The following TREX2 variants were observed in gnomAD, a reference collection of about 807,000 sequenced individuals.
TREX2 encodes the protein 3'-5' exonuclease TREX2 long form.
For synonymous variants in TREX2, 121 were observed against 112.1 expected (o/e 1.08, Z -0.50); for missense variants, 242 against 235.3 (o/e 1.03, Z -0.19).
chrX:153,445,625 A>C, intron 1 of TREX2, 130 bp from the exon 2 acceptor site: 1 of 521,538 alleles, frequency 1.9e-6, no homozygotes, highest in East Asian at 3.6e-5. Context: ...TGGGAGCGTC[A>C]GCCCCACTCC....
intron 1 of TREX2, 100 bp from the exon 2 acceptor site, chrX:153,445,595 G>T: frequency 1.8e-6 from 1 of 551,597 alleles, no homozygotes; most frequent in Non-Finnish European, 3.1e-6. Flanking sequence ...CCCGACCACA[G>T]CACCTGTGAC....
chrX:153,445,744 C>A, intron 1 of TREX2: 1 of 459,366 alleles, frequency 2.2e-6, no homozygotes. Context: ...GGGACCGCAC[C>A]TTGGCGGGGT....
chrX:153,444,620 C>T lies in TREX2; in HGVS notation c.*100G>A, dbSNP rs1556979130. The T allele has an allele frequency of 1.4e-5, 13 of 951,803 alleles. No individual in the cohort carries two copies. Among genetic ancestry groups the T allele is most frequent in the Admixed American group, 5.3e-5 (2 of 37,427 alleles). The allele number at this position is 951,803 out of a possible 1,213,427, so 78.4% of individuals were successfully genotyped here. On this transcript the variant is annotated 3_prime_UTR_variant, in exon 2 of 2. Coordinates refer to ENST00000370231, the MANE Select transcript of TREX2 (RefSeq NM_080701.4). Reference sequence around the variant, plus strand: ...AGCCAGGGAAGGCCTGGCAGGTGCACGGACCTGAGGCTGCCCAGATAGGAG... The same window carrying T: ...AGCCAGGGAAGGCCTGGCAGGTGCATGGACCTGAGGCTGCCCAGATAGGAG...
At position 153,444,616 on chromosome X, in the gene TREX2, T is replaced by G; in HGVS notation, c.*104A>C. On this transcript the variant is annotated 3_prime_UTR_variant, in exon 2 of 2. Coordinates refer to ENST00000370231, the MANE Select transcript of TREX2 (RefSeq NM_080701.4). ...AGGCAGCCAGGGAAGGCCTGGCAGGTGCACGGACCTGAGGCTGCCCAGATA... is the reference window on the plus strand; with the variant it reads ...AGGCAGCCAGGGAAGGCCTGGCAGGGGCACGGACCTGAGGCTGCCCAGATA... The G allele has an allele frequency of 1.1e-6, 1 of 902,703 alleles. No individual in the cohort carries two copies. The allele number at this position is 902,703 out of a possible 1,213,427, so 74.4% of individuals were successfully genotyped here.
In TREX2 at chrX:153,445,458, C is replaced by T. The variant is rs782029671; in HGVS notation, c.-28G>A. On this transcript the variant is annotated 5_prime_UTR_variant, in exon 2 of 2. Coordinates refer to ENST00000370231, the MANE Select transcript of TREX2 (RefSeq NM_080701.4). ...TGATGTTCCCACGGGGATAGCAAGT[C>T]CTCAAACTGTCCGAGCGAGAGGCAC... The T allele has an allele frequency of 1.8e-6, 2 of 1,102,934 alleles. No individual in the cohort carries two copies. The highest frequency in any genetic ancestry group is 3.2e-5 in the Admixed American group (1 of 31,267). The allele number at this position is 1,102,934 out of a possible 1,213,427, so 90.9% of individuals were successfully genotyped here. A position where few individuals can be genotyped will look rare whatever the true frequency, so the allele number is the denominator to read the frequency against.
At chrX:153,445,785 G>A in intron 1 of TREX2, 1 of 402,221 alleles carries the variant, frequency 2.5e-6, no homozygotes, top group Admixed American at 4.2e-5. Context: ...CCTTGGCTGG[G>A]AACCTGGGGC....
At position 153,445,039 on chromosome X, in the gene TREX2, A is replaced by G; in HGVS notation, c.392T>C (p.Leu131Pro). The G allele has an allele frequency of 8.6e-7, 1 of 1,161,814 alleles. No individual in the cohort carries two copies. The highest frequency in any genetic ancestry group is 1.1e-6 in the Non-Finnish European group (1 of 871,446). The part of the protein sequence containing the change: ...DYDFPLLCAE[L>P]RRLGARLPRD... ...GGGCAGGCGGGCACCCAGGCGCCGC[A>G]GCTCGGCACACAGCAGGGGGAAATC... The change falls in exon 2 of 2, where the codon CTG (leucine) becomes CCG (proline). Residue 131 changes from leucine to proline, a missense_variant. Leu to Pro is a moderately conservative substitution (Grantham distance 98). Transcript: ENST00000370231.
Position 153,445,045 on chromosome X carries a change from G to C in TREX2, c.386C>G (p.Ala129Gly). Residue 129 changes from alanine (A) to glycine (G), a missense_variant, in exon 2 of 2, where the codon GCC becomes GGC. Physicochemically the swap from Ala to Gly is moderately conservative, Grantham distance 60. Coordinates refer to ENST00000370231, the MANE Select transcript of TREX2 (RefSeq NM_080701.4). ...GFDYDFPLLC[A>G]ELRRLGARLP... ...GCGGGCACCCAGGCGCCGCAGCTCG[G>C]CACACAGCAGGGGGAAATCATAATC... is the stretch of plus-strand genomic sequence containing the variant. 8.6e-7 allele frequency: 1 copy of C among 1,163,791 alleles called. No homozygotes were observed. Among genetic ancestry groups the C allele is most frequent in the Non-Finnish European group, 1.1e-6 (1 of 872,329 alleles).
intron 1 of TREX2, 108 bp from the exon 2 acceptor site, chrX:153,445,603 G>A (rs928015193): frequency 1.8e-6 from 1 of 543,495 alleles, no homozygotes; most frequent in Non-Finnish European, 3.2e-6. Context: ...CAGCACCTGT[G>A]ACCTTTGGCT....
rs2089147574 is a variant in TREX2 at position 153,445,253 on chromosome X, G to GGCACATGCCC, written c.177_178insGGGCATGTGC (p.Leu60GlyfsTer27). 5 of 1,198,795 alleles carry GGCACATGCCC rather than the reference G, an allele frequency of 4.2e-6. No homozygotes were observed. The highest frequency in any genetic ancestry group is 5.6e-6 in the Non-Finnish European group (5 of 888,245). ...CGCTCCGGGCACATGCACAGCGTGAGCTTGTCCAGGACCCGGGGCAATACT... is the reference window on the plus strand; with the variant it reads ...CGCTCCGGGCACATGCACAGCGTGAGGCACATGCCCCTTGTCCAGGACCCGGGGCAATACT... On this transcript the variant is annotated frameshift_variant, in exon 2 of 2. Transcript: ENST00000370231. LOFTEE classifies it low-confidence loss of function (END_TRUNC).
rs1207636075 is a variant in TREX2, at chrX:153,444,888, C to G, written c.543G>C (p.Arg181=). The change falls in exon 2 of 2, where the codon CGG becomes CGC. Residue 181 remains arginine (R), a synonymous_variant. Transcript: ENST00000370231. Reference sequence around the variant, plus strand: ...CTGAGTGGGCTGCGCTTGGCTCTGCCCGGAAGTAGCGGTGGAAGAGGCTGC... The same window carrying G: ...CTGAGTGGGCTGCGCTTGGCTCTGCGCGGAAGTAGCGGTGGAAGAGGCTGC... ...SLGSLFHRYF[R]AEPSAAHSAE... 8.3e-7 allele frequency: 1 copy of G among 1,204,820 alleles called. No homozygotes were observed. The highest frequency in any genetic ancestry group is 1.1e-6 in the Non-Finnish European group (1 of 892,671).
rs547615095 is a variant in TREX2, at chrX:153,445,037, G to A, written c.394C>T (p.Arg132Trp). The change falls in exon 2 of 2, where the codon CGG becomes TGG. Residue 132 changes from arginine (R) to tryptophan (W), a missense_variant. Transcript: ENST00000370231. ...YDFPLLCAEL[R>W]RLGARLPRDT... Reference sequence around the variant, plus strand: ...CGGGGCAGGCGGGCACCCAGGCGCCGCAGCTCGGCACACAGCAGGGGGAAA... The same window carrying A: ...CGGGGCAGGCGGGCACCCAGGCGCCACAGCTCGGCACACAGCAGGGGGAAA... 1.1e-4 allele frequency: 122 copies of A among 1,160,017 alleles called. No individual in the cohort carries two copies. The highest frequency in any genetic ancestry group is 7.1e-4 in the Middle Eastern group (3 of 4,202).
rs782611130 is a variant in TREX2 at position 153,444,925 on chromosome X, C to A, written c.506G>T (p.Gly169Val). 11 of 1,196,603 alleles carry A rather than the reference C, an allele frequency of 9.2e-6. No homozygotes were observed. Among genetic ancestry groups the A allele is most frequent in the Non-Finnish European group, 1.2e-5 (11 of 888,257 alleles). The change falls in exon 2 of 2, where the codon GGT becomes GTT. Residue 169 changes from glycine (G) to valine (V), a missense_variant. Gly to Val is a moderately radical substitution (Grantham distance 109). Transcript: ENST00000370231. ...GTGGAAGAGGCTGCCGAGGCTGTAACCCTGGCGGCCCCGGGCCCGGGTGCC... is the reference window on the plus strand; with the variant it reads ...GTGGAAGAGGCTGCCGAGGCTGTAAACCTGGCGGCCCCGGGCCCGGGTGCC... ...SHGTRARGRQGYSLGSLFHRY... is the reference protein window; with the variant it reads ...SHGTRARGRQVYSLGSLFHRY...
Position 153,444,499 on chromosome X carries a change from A to C in TREX2, c.*221T>G, listed in dbSNP as rs1472069644. Among the ~76,000 whole-genome samples, 1 of 112,974 alleles carries C rather than the reference A, an allele frequency of 8.9e-6. No homozygotes were observed. The highest frequency in any genetic ancestry group is 1.9e-5 in the Non-Finnish European group (1 of 53,232). On this transcript the variant is annotated 3_prime_UTR_variant, in exon 2 of 2. Coordinates refer to ENST00000370231, the MANE Select transcript of TREX2 (RefSeq NM_080701.4). ...GAGTAGTTGGCAATGTTTATTGGGAAACAGCAAACTCTGCTGGGCACCCAG... is the reference window on the plus strand; with the variant it reads ...GAGTAGTTGGCAATGTTTATTGGGACACAGCAAACTCTGCTGGGCACCCAG...
At chrX:153,445,672 G>A (rs1556979624) in intron 1 of TREX2, 177 bp from the exon 2 acceptor site, 2 of 504,183 alleles carry the variant, frequency 4.0e-6, no homozygotes, top group Non-Finnish European at 7.1e-6. Flanking sequence ...GCCTCAGAGC[G>A]CTCTACTGCC....
At chrX:153,445,720 G>A in intron 1 of TREX2, 1 of 484,557 alleles carries the variant, frequency 2.1e-6, no homozygotes, top group Admixed American at 2.9e-5. Flanking sequence ...ATTGGGAGAG[G>A]CAGAGGCAGC....
Position 153,444,588 on chromosome X carries a change from G to A in TREX2, c.*132C>T. 1.4e-6 allele frequency: 1 copy of A among 708,801 alleles called. No homozygotes were observed. Among genetic ancestry groups the A allele is most frequent in the East Asian group, 3.5e-5 (1 of 28,535 alleles). 58.4% of individuals were successfully genotyped at this position (708,801 alleles called of 1,213,427 possible). On this transcript the variant is annotated 3_prime_UTR_variant, in exon 2 of 2. Transcript: ENST00000370231. ...AGAGGAATCCAGGGCCGTATGGCTG[G>A]TCAGGCAGCCAGGGAAGGCCTGGCA...
Position 153,445,355 on chromosome X carries a change from CG to C in TREX2, c.75del (p.Glu26ArgfsTer26). On this transcript the variant is annotated frameshift_variant, in exon 2 of 2. Transcript: ENST00000370231. LOFTEE classifies it low-confidence loss of function (END_TRUNC). ...GCAAAGAGGGACAGCTCGGCAATCT[CG>C]GGCTCCACACTGGGGAGCCCAGTGG... is the stretch of plus-strand genomic sequence containing the variant. ...LEATGLPSVE[P>X]EIAELSLFAV... The C allele has an allele frequency of 8.3e-7, 1 of 1,197,677 alleles. No homozygotes were observed. Among genetic ancestry groups the C allele is most frequent in the Non-Finnish European group, 1.1e-6 (1 of 888,078 alleles).
Position 153,445,135 on chromosome X carries a change from C to A in TREX2, c.296G>T (p.Arg99Leu). The A allele has an allele frequency of 8.3e-7, 1 of 1,204,209 alleles. No homozygotes were observed. Among genetic ancestry groups the A allele is most frequent in the East Asian group, 3.0e-5 (1 of 33,531 alleles). ...RKAGFDGAVV[R>L]TLQAFLSRQA... The stretch of plus-strand genomic sequence containing the variant: ...GCGGCTCAGGAAGGCCTGCAGCGTC[C>A]GCACCACGGCGCCATCAAAGCCAGC... Residue 99 changes from arginine to leucine, a missense_variant, in exon 2 of 2, where the codon CGG becomes CTG. Coordinates refer to ENST00000370231, the MANE Select transcript of TREX2 (RefSeq NM_080701.4).
Sources: allele counts gnomAD v4.1 joint callset (sites outside exome capture counted in the v4.1 genomes callset), GRCh38; gene constraint gnomAD v4.1.1; transcripts MANE v1.5; gene names NCBI Gene and HGNC (gene_info 2026-07-23, HGNC 2026-07-21).